The following MYLK variants were observed in gnomAD, a reference collection of about 807,000 sequenced individuals.
The protein encoded by MYLK is myosin light chain kinase.
In MYLK, 106 loss-of-function variants were observed where a neutral mutation model predicts 203.4. That is an observed-to-expected ratio of 0.52 (90% CI 0.45 to 0.61). The LOEUF is 0.61. Among genes scored for constraint, MYLK ranks in the 20% least tolerant of loss-of-function variants. The probability of loss-of-function intolerance (pLI) is 0.00; values close to 1 mark genes in which losing one functional copy is unlikely to be tolerated. For missense variants in MYLK, 2,072 were observed against 2,442.3 expected (o/e 0.85, Z 3.20); for synonymous variants, 867 against 959.5 (o/e 0.90, Z 1.78).
intron 5 of MYLK, among the ~76,000 whole-genome samples, chr3:123,740,369 C>A (rs971875639): frequency 6.6e-5 from 10 of 152,198 alleles, no homozygotes; most frequent in Admixed American, 3.3e-4. Flanking sequence ...GTACGCTCTA[C>A]CTTCCATTTT....
At chr3:123,832,297 C>A (rs898488708) in intron 2 of MYLK, among the ~76,000 whole-genome samples, 2 of 152,216 alleles carry the variant, frequency 1.3e-5, no homozygotes, top group African/African-American at 4.8e-5. Context: ...CCCCCTTCTC[C>A]TCCCTTCAGA....
intron 12 of MYLK, among the ~76,000 whole-genome samples, chr3:123,724,071 A>G (rs1189095669): frequency 1.3e-5 from 2 of 151,322 alleles, no homozygotes; most frequent in East Asian, 3.9e-4. Context: ...TTTTTGAGAC[A>G]GGGTCTCACT....
chr3:123,682,453 G>A (rs2060302512), intron 19 of MYLK, 143 bp from the exon 20 acceptor site: 4 of 710,782 alleles, frequency 5.6e-6, no homozygotes, highest in East Asian at 5.4e-5. Context: ...CAGCGCCTGT[G>A]TCCAGGCAAC....
At chr3:123,822,908 A>C (rs1393467458) in intron 3 of MYLK, among the ~76,000 whole-genome samples, 1 of 152,314 alleles carries the variant, frequency 6.6e-6, no homozygotes, top group Admixed American at 6.5e-5. Context: ...GAGGCAGTTA[A>C]GGGACAGCTT....
At chr3:123,715,291 A>T (rs2061853017) in intron 13 of MYLK, among the ~76,000 whole-genome samples, 1 of 152,232 alleles carries the variant, frequency 6.6e-6, no homozygotes, top group African/African-American at 2.4e-5. Flanking sequence ...GGGCTGAAGC[A>T]GGTGGTGGCC....
chr3:123,680,696 T>A (rs1445131060), intron 20 of MYLK, among the ~76,000 whole-genome samples: 1 of 152,220 alleles, frequency 6.6e-6, no homozygotes, highest in Non-Finnish European at 1.5e-5. Context: ...GAACCCAAGT[T>A]CATCATTAGG....
intron 3 of MYLK, among the ~76,000 whole-genome samples, chr3:123,796,636 C>T (rs1430773992): frequency 1.3e-5 from 2 of 152,180 alleles, no homozygotes; most frequent in African/African-American, 4.8e-5. Context: ...CTGAACAATG[C>T]ACAGAGGATG....
chr3:123,684,597 A>C (rs2060385563), intron 19 of MYLK, among the ~76,000 whole-genome samples: 1 of 151,842 alleles, frequency 6.6e-6, no homozygotes, highest in Non-Finnish European at 1.5e-5. Flanking sequence ...CCCAGGCTGG[A>C]CTGCAGTGAC....
chr3:123,670,202 T>C (rs2059871626), intron 20 of MYLK, among the ~76,000 whole-genome samples: 1 of 152,198 alleles, frequency 6.6e-6, no homozygotes, highest in African/African-American at 2.4e-5. Context: ...AAAGATGTTA[T>C]TCAGTCAACG....
chr3:123,667,197 A>G lies in MYLK; in HGVS notation c.3653-10T>C, dbSNP rs777349615. 5 of 1,612,890 alleles carry G rather than the reference A, an allele frequency of 3.1e-6. No homozygotes were observed. Among genetic ancestry groups the G allele is most frequent in the Non-Finnish European group, 4.2e-6 (5 of 1,179,042 alleles). On this transcript the variant is annotated splice_polypyrimidine_tract_variant and intron_variant, in intron 20 of 33. Coordinates refer to ENST00000360304, the MANE Select transcript of MYLK (RefSeq NM_053025.4). The stretch of plus-strand genomic sequence containing the variant: ...TTCACAGTCGCATCACCTGAAACAA[A>G]GAAGTTCACAAGTTATTTCCTGTAG...
At chr3:123,735,046 T>C (rs2062626379) in intron 9 of MYLK, 2 of 360,656 alleles carry the variant, frequency 5.5e-6, no homozygotes, top group Non-Finnish European at 1.1e-5. Flanking sequence ...AAGAGGCTCC[T>C]GCTGGGTCTG....
At chr3:123,840,527 G>A (rs2148646187) in intron 2 of MYLK, among the ~76,000 whole-genome samples, 1 of 150,586 alleles carries the variant, frequency 6.6e-6, no homozygotes, top group African/African-American at 2.4e-5. Flanking sequence ...ATTCCCACAA[G>A]AAGAAATAGA....
At position 123,843,050 on chromosome 3, in the gene MYLK, G is replaced by A. The variant is rs2066631201; in HGVS notation, c.-126-11380C>T. 2.0e-5 allele frequency among the ~76,000 whole-genome samples: 3 copies of A among 152,116 alleles called. No individual in the cohort carries two copies. The South Asian group carries it at 6.2e-4, about 32-fold the overall frequency. ...TAAGGTATGATCTTCGGATAGTGTG[G>A]AATACAGCTTATCAGGCAGGGACCT... On this transcript the variant is annotated intron_variant, in intron 2 of 33. Transcript: ENST00000360304.
chr3:123,625,409 A>C (rs2107956231), intron 31 of MYLK: 1 of 152,066 alleles, frequency 6.6e-6, no homozygotes, highest in Middle Eastern at 3.4e-3. Context: ...CAGAGGCTGC[A>C]GTGAGCCGAG....
In MYLK at chr3:123,721,840, C is replaced by T. The variant is rs181295244; in HGVS notation, c.1804+288G>A. ...TGGAGTGAGGGGGTGAGGAAAAGGC[C>T]ACCTCTGATGACACCCTTGTCGCTG... On this transcript the variant is annotated intron_variant, in intron 13 of 33. Coordinates refer to ENST00000360304, the MANE Select transcript of MYLK (RefSeq NM_053025.4). Among the ~76,000 whole-genome samples the T allele has an allele frequency of 7.8e-4, 115 of 146,896 alleles. 1 individual carries two copies. Among genetic ancestry groups the T allele is most frequent in the African/African-American group, 2.7e-3 (108 of 40,578 alleles).
At chr3:123,709,635 C>G (rs2061611707) in intron 14 of MYLK, 121 bp downstream of exon 14, 2 of 1,310,606 alleles carry the variant, frequency 1.5e-6, no homozygotes, top group Admixed American at 1.7e-5. Flanking sequence ...GGTCCATCAC[C>G]TGATGGTCCC....
At chr3:123,808,235 G>A (rs1470694179) in intron 3 of MYLK, among the ~76,000 whole-genome samples, 7 of 152,272 alleles carry the variant, frequency 4.6e-5, no homozygotes, top group East Asian at 1.9e-4. Context: ...CAGGGATCCC[G>A]CTTCTCAGGT....
intron 4 of MYLK, among the ~76,000 whole-genome samples, chr3:123,787,490 G>A (rs538258998): frequency 1.3e-5 from 2 of 152,264 alleles, no homozygotes; most frequent in African/African-American, 4.8e-5. Flanking sequence ...CTCCTCAGGG[G>A]CACCAAACAC....
chr3:123,699,324 T>G (rs1560091144), intron 18 of MYLK, among the ~76,000 whole-genome samples: 1 of 152,144 alleles, frequency 6.6e-6, no homozygotes, highest in African/African-American at 2.4e-5. Flanking sequence ...ATGGAAGGAT[T>G]TGGGGCCCCC....
Sources: allele counts gnomAD v4.1 joint callset (sites outside exome capture counted in the v4.1 genomes callset), GRCh38; gene constraint gnomAD v4.1.1; transcripts MANE v1.5; gene names NCBI Gene and HGNC (gene_info 2026-07-23, HGNC 2026-07-21).